Variants in OTOF observed in about 807,000 individuals in gnomAD.
OTOF encodes otoferlin, also known as fer-1-like family member 2.
Under a neutral mutation model 236.8 loss-of-function variants are expected in OTOF, and 218 were observed. The observed-to-expected ratio is 0.92, with a 90% CI of 0.82 to 1.03. OTOF has a LOEUF of 1.03. OTOF is among the 50% of genes least tolerant of loss of function. The probability of loss-of-function intolerance (pLI) is 0.00; values close to 1 mark genes in which losing one functional copy is unlikely to be tolerated. For missense variants in OTOF, 2,590 were observed against 2,694.4 expected, an observed-to-expected ratio of 0.96 and a Z score of 0.86; for synonymous variants, 1,041 against 1,072.5, an observed-to-expected ratio of 0.97 and a Z score of 0.57.
At chr2:26,499,294 G>T (rs369699778) in intron 8 of OTOF, among the ~76,000 whole-genome samples, 1 of 152,054 alleles carries the variant, frequency 6.6e-6, no homozygotes, top group East Asian at 1.9e-4. Context: ...GCATGGGTAC[G>T]CCGCGGTCCT....
chr2:26,548,586 T>C (rs943542621), intron 1 of OTOF, among the ~76,000 whole-genome samples: 3 of 152,242 alleles, frequency 2.0e-5, no homozygotes, highest in Non-Finnish European at 4.4e-5. Context: ...TAACACCGTT[T>C]TGGTCAACGA....
chr2:26,495,640 G>A (rs1435951073), intron 8 of OTOF, among the ~76,000 whole-genome samples: 1 of 152,062 alleles, frequency 6.6e-6, no homozygotes, highest in East Asian at 1.9e-4. Flanking sequence ...TGGCCAGGCT[G>A]TTCTCAAACT....
intron 38 of OTOF, 32 bp from the exon 39 acceptor site, chr2:26,465,061 C>T (rs1664664383): frequency 3.5e-6 from 5 of 1,445,084 alleles, no homozygotes; most frequent in Non-Finnish European, 4.6e-6. Flanking sequence ...CTTGGAGGGG[C>T]TGGGTGGGAC....
At chr2:26,472,439 G>A in intron 30 of OTOF, 80 bp downstream of exon 30, 1 of 1,563,036 alleles carries the variant, frequency 6.4e-7, no homozygotes, top group Non-Finnish European at 8.8e-7. Flanking sequence ...TTCTCTCGGG[G>A]CAGATAGTCT....
intron 4 of OTOF, among the ~76,000 whole-genome samples, chr2:26,518,561 G>C (rs1022653937): frequency 2.6e-5 from 4 of 152,256 alleles, no homozygotes; most frequent in Admixed American, 6.5e-5. Context: ...CATCACTAGT[G>C]CACGCGTGCT....
At chr2:26,523,174 G>T (rs1666721341) in intron 3 of OTOF, among the ~76,000 whole-genome samples, 2 of 152,254 alleles carry the variant, frequency 1.3e-5, no homozygotes. Flanking sequence ...GAGGCTGGAG[G>T]CCAGGCCATG....
At chr2:26,508,658 G>A (rs1666310668) in intron 5 of OTOF, among the ~76,000 whole-genome samples, 1 of 152,224 alleles carries the variant, frequency 6.6e-6, no homozygotes, top group East Asian at 1.9e-4. Flanking sequence ...GCCTATCCCA[G>A]AATGTCACAC....
chr2:26,484,556 A>C lies in OTOF; in HGVS notation c.1123T>G (p.Cys375Gly). The C allele has an allele frequency of 6.2e-7, 1 of 1,613,900 alleles. No homozygotes were observed. The highest frequency in any genetic ancestry group is 8.5e-7 in the Non-Finnish European group (1 of 1,179,960). Residue 375 changes from cysteine to glycine, a missense_variant, in exon 12 of 47, where the codon TGT (cysteine) becomes GGT (glycine). By Grantham distance (159) the Cys-to-Gly change is radical. Around this residue, in one of 2 missense-constraint regions of OTOF, gnomAD observed 1,379 missense variants for 1,341.6 expected, o/e 1.03. Transcript: ENST00000272371. ...ISSGLKGYVKCDVAVVGKGDN... is the reference protein window; with the variant it reads ...ISSGLKGYVKGDVAVVGKGDN... ...CCTTTGCCCACCACGGCAACGTCACACTTCACGTAGCCCTTCAGCCCCGAG... is the reference window on the plus strand; with the variant it reads ...CCTTTGCCCACCACGGCAACGTCACCCTTCACGTAGCCCTTCAGCCCCGAG...
rs538124404 is a variant in OTOF, at chr2:26,501,519, G to A, written c.765+235C>T. The stretch of plus-strand genomic sequence containing the variant: ...ATACTGAACATGAAATACTGGAAGG[G>A]CTTTGATTAGCATAGGCAGAGTTCT... On this transcript the variant is annotated intron_variant, in intron 8 of 46. Coordinates refer to ENST00000272371, the MANE Select transcript of OTOF (RefSeq NM_194248.3). Among the ~76,000 whole-genome samples the A allele has an allele frequency of 2.0e-5, 3 of 152,308 alleles. No homozygotes were observed. In the South Asian group the frequency reaches 6.2e-4, roughly 32 times the overall value.
intron 2 of OTOF, among the ~76,000 whole-genome samples, chr2:26,528,549 C>A (rs1184030390): frequency 2.6e-5 from 4 of 152,240 alleles, no homozygotes; most frequent in Non-Finnish European, 5.9e-5. Context: ...TCACCCTTAC[C>A]ACTTCTTCGT....
chr2:26,522,453 G>A (rs1666699931), intron 3 of OTOF, among the ~76,000 whole-genome samples: 2 of 152,196 alleles, frequency 1.3e-5, no homozygotes, highest in Admixed American at 1.3e-4. Context: ...GGGACAGGAA[G>A]AGGTAGGAGA....
intron 8 of OTOF, among the ~76,000 whole-genome samples, chr2:26,501,337 T>A (rs939816): frequency 0.64 from 97,106 of 152,170 alleles, 31,929 homozygotes; most frequent in East Asian, 0.88. Flanking sequence ...AACAGAATCG[T>A]CATTACTTCC....
chr2:26,489,533 G>T, intron 10 of OTOF, 145 bp downstream of exon 10: 1 of 759,194 alleles, frequency 1.3e-6, no homozygotes. Context: ...CCAGAATCCA[G>T]CCTGTCCCTA....
At chr2:26,499,941 C>G (rs140250090) in intron 8 of OTOF, among the ~76,000 whole-genome samples, 1 of 152,154 alleles carries the variant, frequency 6.6e-6, no homozygotes, top group Non-Finnish European at 1.5e-5. Flanking sequence ...ATACAACAAC[C>G]GTTTTGTTCA....
intron 1 of OTOF, among the ~76,000 whole-genome samples, chr2:26,550,580 T>G (rs1667435355): frequency 6.6e-6 from 1 of 152,160 alleles, no homozygotes; most frequent in East Asian, 1.9e-4. Flanking sequence ...TGTCAGCAAC[T>G]GGCACCTGTC....
chr2:26,510,436 C>G (rs1010749977), intron 5 of OTOF, among the ~76,000 whole-genome samples: 4 of 152,006 alleles, frequency 2.6e-5, no homozygotes, highest in Non-Finnish European at 2.9e-5. Flanking sequence ...GAACAAGACA[C>G]GGAGAGGAGG....
intron 1 of OTOF, among the ~76,000 whole-genome samples, chr2:26,538,408 A>G (rs1572489426): frequency 1.3e-5 from 2 of 152,324 alleles, no homozygotes; most frequent in South Asian, 2.1e-4. Context: ...CCCGGGCTCT[A>G]TTCCTGCCCC....
chr2:26,463,099 C>T (rs1236557732), intron 41 of OTOF, among the ~76,000 whole-genome samples: 3 of 152,030 alleles, frequency 2.0e-5, no homozygotes, highest in Admixed American at 1.3e-4. Context: ...TGAAGGAGTG[C>T]GTCAGTGTGG....
chr2:26,466,948 C>T, intron 35 of OTOF, 97 bp from the exon 36 acceptor site: 3 of 1,576,874 alleles, frequency 1.9e-6, no homozygotes, highest in Non-Finnish European at 1.7e-6. Context: ...CCTGATGTGG[C>T]AGGGCCTTCA....
Sources: gnomAD v4.1 joint callset for allele counts (sites outside exome capture counted in the v4.1 genomes callset) on GRCh38, gnomAD v4.1.1 for gene constraint, gnomAD v4.1.1 regional missense constraint, MANE v1.5 for transcripts, NCBI Gene and HGNC (gene_info 2026-07-23, HGNC 2026-07-21) for gene names.